Variants in MICU3 observed in about 807,000 individuals in gnomAD.
The protein encoded by MICU3 is calcium uptake protein 3, mitochondrial.
A neutral mutation model predicts 66.5 loss-of-function variants in MICU3; 62 were observed. The observed-to-expected ratio is 0.93, with a 90% CI of 0.76 to 1.15. The LOEUF is 1.15. MICU3 is among the 50% of genes most tolerant of loss of function. The probability of loss-of-function intolerance (pLI) is 0.00; values close to 1 mark genes in which losing one functional copy is unlikely to be tolerated. For missense variants in MICU3, 779 were observed against 664.4 expected (o/e 1.17, Z -1.90); for synonymous variants, 308 against 240.7 (o/e 1.28, Z -2.59).
At chr8:17,034,370 C>A (rs192722818) in intron 1 of MICU3, among the ~76,000 whole-genome samples, 36 of 152,334 alleles carry the variant, frequency 2.4e-4, no homozygotes, top group Middle Eastern at 6.8e-3. Flanking sequence ...GTTTTTATGT[C>A]TGCTAACACA....
chr8:17,121,543 G>T lies in MICU3; in HGVS notation c.*1256G>T, dbSNP rs1019112025. 2.6e-5 allele frequency: 4 copies of T among 152,122 alleles called. No homozygotes were observed. The highest frequency in any genetic ancestry group is 5.9e-5 in the Non-Finnish European group (4 of 67,732). The allele number at this position is 152,122 out of a possible 1,614,324, so 9.4% of individuals were successfully genotyped here. The stretch of plus-strand genomic sequence containing the variant: ...ACGTATTTACATATTGCATATGGAA[G>T]ATAAGTTCATTTATCTTCCTTTCTA... On this transcript the variant is annotated 3_prime_UTR_variant, in exon 15 of 15. Coordinates refer to ENST00000318063, the MANE Select transcript of MICU3 (RefSeq NM_181723.3).
At chr8:17,119,886 C>CCGTTGTAGCTTCTTTTGTTA (rs1803061921) in intron 14 of MICU3, among the ~76,000 whole-genome samples, 2 of 152,012 alleles carry the variant, frequency 1.3e-5, no homozygotes, top group African/African-American at 4.8e-5. Flanking sequence ...GCTGAGTTAA[C>CCGTTGTAGCTTCTTTTGTTA]AAAAGAAGTC....
At chr8:17,072,780 G>C (rs1427536655) in intron 3 of MICU3, among the ~76,000 whole-genome samples, 1 of 152,124 alleles carries the variant, frequency 6.6e-6, no homozygotes, top group Non-Finnish European at 1.5e-5. Context: ...CCAATGATAC[G>C]ATACTATTTG....
chr8:17,082,150 A>T lies in MICU3; in HGVS notation c.694+410A>T, dbSNP rs1040411345. 4.6e-5 allele frequency among the ~76,000 whole-genome samples: 7 copies of T among 151,922 alleles called. No individual in the cohort carries two copies. The East Asian group carries it at 1.4e-3, about 30-fold the overall frequency. The stretch of plus-strand genomic sequence containing the variant: ...CCCATCATTCACATCTAAAACTTCT[A>T]TTTTCTCCCTGTCAGGTGCAGCATT... On this transcript the variant is annotated intron_variant, in intron 5 of 14. Transcript: ENST00000318063.
chr8:17,106,229 A>G (rs1255429663), intron 11 of MICU3, among the ~76,000 whole-genome samples: 1 of 151,958 alleles, frequency 6.6e-6, no homozygotes, highest in African/African-American at 2.4e-5. Flanking sequence ...ATTGCCTTCT[A>G]TTTGTGTTTA....
At chr8:17,133,556 A>G in the MICU3 span, among the ~76,000 whole-genome samples, 1 of 152,008 alleles carries the variant, frequency 6.6e-6, no homozygotes, top group Non-Finnish European at 1.5e-5. Context: ...TTTAGTTGCC[A>G]TTTCCTTACT....
downstream of MICU3, among the ~76,000 whole-genome samples, chr8:17,126,723 A>G (rs575384379): frequency 1.3e-5 from 2 of 152,332 alleles, no homozygotes; most frequent in African/African-American, 4.8e-5. Context: ...CCAAATCTAG[A>G]GTTAGACTAC....
chr8:17,137,353 C>T, the MICU3 span, among the ~76,000 whole-genome samples: 1 of 151,750 alleles, frequency 6.6e-6, no homozygotes, highest in Non-Finnish European at 1.5e-5. Context: ...TTTTTTCTCC[C>T]AGTGGCTGTG....
chr8:17,126,427 T>C (rs577028891), downstream of MICU3, among the ~76,000 whole-genome samples: 387 of 152,316 alleles, frequency 2.5e-3, 2 homozygotes, highest in African/African-American at 8.6e-3. Flanking sequence ...CATTATGGTA[T>C]AGTTTCAAGA....
the MICU3 span, among the ~76,000 whole-genome samples, chr8:17,127,652 C>A: frequency 6.6e-6 from 1 of 152,126 alleles, no homozygotes; most frequent in Non-Finnish European, 1.5e-5. Context: ...TGATAAATTG[C>A]CACATAAAGA....
chr8:17,045,053 TTTAAAGGAAAA>T (rs1325231545), intron 1 of MICU3, among the ~76,000 whole-genome samples: 1 of 152,160 alleles, frequency 6.6e-6, no homozygotes, highest in African/African-American at 2.4e-5. Context: ...CTTTTTTTTT[TTTAAAGGAAAA>T]TTGGAGAATG....
At chr8:17,067,214 T>G (rs1243085247) in intron 2 of MICU3, among the ~76,000 whole-genome samples, 1 of 152,196 alleles carries the variant, frequency 6.6e-6, no homozygotes, top group East Asian at 1.9e-4. Context: ...ATGTTAAAAC[T>G]GTAGCGTAAT....
chr8:17,067,722 A>G (rs1411310553), intron 2 of MICU3, among the ~76,000 whole-genome samples: 1 of 152,146 alleles, frequency 6.6e-6, no homozygotes, highest in African/African-American at 2.4e-5. Context: ...TACAGGCGTA[A>G]GCCACCATGC....
chr8:17,134,500 G>A, the MICU3 span, among the ~76,000 whole-genome samples: 4 of 151,946 alleles, frequency 2.6e-5, no homozygotes, highest in African/African-American at 7.3e-5. Flanking sequence ...GCTGGAGTGC[G>A]GTGGCATGAT....
intron 8 of MICU3, among the ~76,000 whole-genome samples, chr8:17,091,869 G>C (rs1222596039): frequency 6.6e-6 from 1 of 151,852 alleles, no homozygotes; most frequent in South Asian, 2.1e-4. Flanking sequence ...ACTTTATGGG[G>C]GTTTTTTTTG....
At chr8:17,076,761 GC>G (rs1330160806) in intron 3 of MICU3, among the ~76,000 whole-genome samples, 4 of 152,190 alleles carry the variant, frequency 2.6e-5, no homozygotes, top group African/African-American at 9.6e-5. Context: ...TGTTAAAAAT[GC>G]AGGTTGTGGT....
chr8:17,135,354 C>A, the MICU3 span, among the ~76,000 whole-genome samples: 1 of 151,302 alleles, frequency 6.6e-6, no homozygotes, highest in African/African-American at 2.4e-5. Context: ...GCTGAGATTG[C>A]GCCACTGCAC....
intron 4 of MICU3, among the ~76,000 whole-genome samples, chr8:17,081,138 A>G (rs886919004): frequency 1.3e-5 from 2 of 152,108 alleles, no homozygotes; most frequent in African/African-American, 2.4e-5. Context: ...AATTACAATA[A>G]AAACTCCTCA....
rs759742770 is a variant in MICU3 at position 17,027,404 on chromosome 8, C to G, written c.125C>G (p.Pro42Arg). 1.7e-5 allele frequency: 24 copies of G among 1,421,408 alleles called. No homozygotes were observed. In the African/African-American group the frequency reaches 3.6e-4, roughly 21 times the overall value. The allele number at this position is 1,421,408 out of a possible 1,614,324, so 88.0% of individuals were successfully genotyped here. Residue 42 changes from proline to arginine, a missense_variant, in exon 1 of 15, where the codon CCC (proline) becomes CGC (arginine). Transcript: ENST00000318063. ...AVTTLGLPGR[P>R]FSSREDEERA... ...ACCACCCTGGGCCTTCCTGGCCGGCCCTTCTCCTCCCGAGAGGATGAGGAG... is the reference window on the plus strand; with the variant it reads ...ACCACCCTGGGCCTTCCTGGCCGGCGCTTCTCCTCCCGAGAGGATGAGGAG...
Sources: gnomAD v4.1 joint callset for allele counts (sites outside exome capture counted in the v4.1 genomes callset) on GRCh38, gnomAD v4.1.1 for gene constraint, MANE v1.5 for transcripts, NCBI Gene and HGNC (gene_info 2026-07-23, HGNC 2026-07-21) for gene names.